Variants in ATCAY observed in about 807,000 individuals in gnomAD.
The protein encoded by ATCAY is caytaxin.
ATCAY carries 22 observed loss-of-function variants against 47.7 expected under a neutral mutation model. The observed-to-expected ratio is 0.46, with a 90% CI of 0.33 to 0.66. ATCAY has a LOEUF of 0.66. Among genes scored for constraint, ATCAY ranks in the 30% least tolerant of loss-of-function variants. The pLI is 0.02. For missense variants in ATCAY, 452 were observed against 515.0 expected (o/e 0.88, Z 1.18); for synonymous variants, 216 against 207.6 (o/e 1.04, Z -0.35).
chr19:3,909,615 G>A lies in ATCAY; in HGVS notation c.777G>A (p.Arg259=). ...WLKKCYQMID[R]RLRKNLKSLI... ...AGAAGTGCTACCAGATGATCGACCG[G>A]AGGTGAGGTGGGGATGCCTCAGGAA... Residue 259 remains arginine, a splice_region_variant and synonymous_variant, in exon 7 of 13, where the codon CGG becomes CGA. Transcript: ENST00000450849. 1 of 1,586,394 alleles carries A rather than the reference G, an allele frequency of 6.3e-7. No individual in the cohort carries two copies. The highest frequency in any genetic ancestry group is 8.6e-7 in the Non-Finnish European group (1 of 1,166,398).
chr19:3,922,681 C>G (rs1243645737), intron 12 of ATCAY, among the ~76,000 whole-genome samples: 2 of 152,166 alleles, frequency 1.3e-5, no homozygotes, highest in Non-Finnish European at 2.9e-5. Context: ...AAGGACCAAA[C>G]TTTTCTTTAG....
chr19:3,919,239 C>T (rs2038994934), intron 11 of ATCAY, among the ~76,000 whole-genome samples: 1 of 151,680 alleles, frequency 6.6e-6, no homozygotes, highest in Admixed American at 6.6e-5. Flanking sequence ...GATAGTACCA[C>T]TGCACTCGGC....
chr19:3,917,711 G>C, intron 9 of ATCAY, 31 bp from the exon 10 acceptor site: 1 of 1,613,116 alleles, frequency 6.2e-7, no homozygotes, highest in Non-Finnish European at 8.5e-7. Flanking sequence ...GGAAAGGAAG[G>C]TTGTGTCTGA....
intron 3 of ATCAY, among the ~76,000 whole-genome samples, chr19:3,903,267 C>A (rs1015440698): frequency 6.6e-6 from 1 of 151,794 alleles, no homozygotes; most frequent in Non-Finnish European, 1.5e-5. Flanking sequence ...AGCCACCACG[C>A]CTGGCATGTT....
chr19:3,918,918 C>CGGGAGGCTGCCTACTCCCTTGG (rs2038991928), intron 11 of ATCAY, 41 bp downstream of exon 11: 3 of 1,609,224 alleles, frequency 1.9e-6, no homozygotes, highest in South Asian at 2.2e-5. Context: ...CTGACAGTCA[C>CGGGAGGCTGCCTACTCCCTTGG]GGGAGGCTGC....
At chr19:3,910,972 TG>T in intron 8 of ATCAY, 83 bp downstream of exon 8, 1 of 1,387,916 alleles carries the variant, frequency 7.2e-7, no homozygotes, top group Non-Finnish European at 1.0e-6. Flanking sequence ...TGTGTGTGCA[TG>T]TGTGCACGTG....
intron 7 of ATCAY, among the ~76,000 whole-genome samples, chr19:3,910,218 T>C (rs959007363): frequency 6.6e-6 from 1 of 152,202 alleles, no homozygotes; most frequent in African/African-American, 2.4e-5. Context: ...TCCTTTTGTG[T>C]CTGGCTTTCC....
intron 2 of ATCAY, among the ~76,000 whole-genome samples, chr19:3,897,574 C>T (rs1015264324): frequency 1.3e-5 from 2 of 151,776 alleles, no homozygotes; most frequent in African/African-American, 4.8e-5. Context: ...GGATTACAAG[C>T]GTGTGCCACC....
intron 2 of ATCAY, 94 bp from the exon 3 acceptor site, chr19:3,902,393 C>T: frequency 8.6e-7 from 1 of 1,168,154 alleles, no homozygotes; most frequent in Non-Finnish European, 1.3e-6. Flanking sequence ...TCTTGTCTGA[C>T]TCGCCTGGCT....
At chr19:3,913,925 G>A (rs1308472070) in intron 9 of ATCAY, 69 bp downstream of exon 9, 3 of 1,412,124 alleles carry the variant, frequency 2.1e-6, no homozygotes, top group Non-Finnish European at 3.0e-6. Flanking sequence ...ACACACCTGA[G>A]ACAGGGCAAT....
intron 7 of ATCAY, 27 bp downstream of exon 7, chr19:3,909,644 C>G (rs375368230): frequency 2.6e-6 from 4 of 1,556,638 alleles, no homozygotes; most frequent in Non-Finnish European, 2.6e-6. Context: ...TCAGGAAGCA[C>G]AGTGGGGGCA....
At chr19:3,884,403 T>C (rs185990257) in intron 1 of ATCAY, among the ~76,000 whole-genome samples, 205 of 152,220 alleles carry the variant, frequency 1.3e-3, no homozygotes, top group Non-Finnish European at 1.0e-3. Flanking sequence ...AGAAAGTCAC[T>C]AGGACTTGCT....
intron 1 of ATCAY, among the ~76,000 whole-genome samples, chr19:3,881,866 G>GC (rs34938220): frequency 0.049 from 5,773 of 117,198 alleles, 273 homozygotes; most frequent in African/African-American, 0.16. Context: ...TGCTGCCACC[G>GC]CCCCCCCCCC....
At chr19:3,888,720 G>C (rs2038686874) in intron 2 of ATCAY, among the ~76,000 whole-genome samples, 1 of 152,102 alleles carries the variant, frequency 6.6e-6, no homozygotes, top group African/African-American at 2.4e-5. Flanking sequence ...ACTTAAAAGA[G>C]AATGGGGTTT....
chr19:3,885,644 GA>G, intron 1 of ATCAY, 82 bp from the exon 2 acceptor site: 1 of 687,376 alleles, frequency 1.5e-6, no homozygotes, highest in Admixed American at 2.3e-5. Flanking sequence ...GGGGGAGTGG[GA>G]GGGGGAAGAG....
At position 3,926,408 on chromosome 19, in the gene ATCAY, G is replaced by A. The variant is rs1009931560; in HGVS notation, c.*1816G>A. 4 of 152,244 alleles carry A rather than the reference G, an allele frequency of 2.6e-5. No individual in the cohort carries two copies. Among genetic ancestry groups the A allele is most frequent in the Non-Finnish European group, 4.4e-5 (3 of 68,064 alleles). The allele number at this position is 152,244 out of a possible 1,614,324, so 9.4% of individuals were successfully genotyped here. The stretch of plus-strand genomic sequence containing the variant: ...TTCATGTCTATCAGTCTGAGCAGAC[G>A]GTGAGTAGGGCGGGCACATTCTCCA... On this transcript the variant is annotated 3_prime_UTR_variant, in exon 13 of 13. Coordinates refer to ENST00000450849, the MANE Select transcript of ATCAY (RefSeq NM_033064.5).
chr19:3,888,441 A>G (rs1488114975), intron 2 of ATCAY, among the ~76,000 whole-genome samples: 1 of 151,728 alleles, frequency 6.6e-6, no homozygotes, highest in African/African-American at 2.4e-5. Flanking sequence ...GCCAGCCTGG[A>G]CAACATGGTG....
chr19:3,924,121 T>A (rs2039044913), intron 12 of ATCAY, among the ~76,000 whole-genome samples: 1 of 150,858 alleles, frequency 6.6e-6, no homozygotes, highest in Non-Finnish European at 1.5e-5. Context: ...GATGAATGGA[T>A]GGATGTGTGG....
At chr19:3,893,365 A>T (rs1034391167) in intron 2 of ATCAY, among the ~76,000 whole-genome samples, 1 of 151,902 alleles carries the variant, frequency 6.6e-6, no homozygotes, top group Admixed American at 6.6e-5. Flanking sequence ...TTTTTAGTAG[A>T]GACGGGGTTT....
Sources: gnomAD v4.1 joint callset for allele counts (sites outside exome capture counted in the v4.1 genomes callset) on GRCh38, gnomAD v4.1.1 for gene constraint, MANE v1.5 for transcripts, NCBI Gene and HGNC (gene_info 2026-07-23, HGNC 2026-07-21) for gene names.